Variants in CP observed in about 807,000 individuals in gnomAD.
CP encodes caeruloplasmin.
A neutral mutation model predicts 122.4 loss-of-function variants in CP; 64 were observed. The ratio of observed to expected loss-of-function variants is 0.52; its 90% CI spans 0.43 to 0.64. The LOEUF (loss-of-function observed/expected upper bound fraction) is 0.64. CP is among the 30% of genes least tolerant of loss of function. The pLI, the probability that CP is intolerant of heterozygous loss-of-function variation, is 0.00. For missense variants in CP, 1,167 were observed against 1,284.4 expected (o/e 0.91, Z 1.40); for synonymous variants, 440 against 436.4 (o/e 1.01, Z -0.10).
At chr3:149,205,478 G>T (rs943993862) in intron 6 of CP, among the ~76,000 whole-genome samples, 1 of 151,630 alleles carries the variant, frequency 6.6e-6, no homozygotes, top group East Asian at 1.9e-4. Flanking sequence ...ATAGCCAAAA[G>T]GTGGAAATGA....
chr3:149,178,119 G>T (rs909163942), intron 16 of CP, 140 bp from the exon 17 acceptor site: 16 of 830,012 alleles, frequency 1.9e-5, no homozygotes, highest in Non-Finnish European at 5.9e-6. Flanking sequence ...TGAGAGAAAT[G>T]GATACTTTAA....
At chr3:149,217,080 T>C (rs1258255112) in intron 1 of CP, among the ~76,000 whole-genome samples, 1 of 152,022 alleles carries the variant, frequency 6.6e-6, no homozygotes, top group Non-Finnish European at 1.5e-5. Context: ...TTTGTATTTT[T>C]AGTAGAGACG....
intron 1 of CP, chr3:149,217,941 C>T: frequency 2.3e-6 from 1 of 426,000 alleles, no homozygotes; most frequent in Non-Finnish European, 4.7e-6. Flanking sequence ...GTCATTAGGC[C>T]TGCTTATAGT....
intron 1 of CP, among the ~76,000 whole-genome samples, chr3:149,215,587 G>A (rs1309549915): frequency 1.3e-5 from 2 of 152,138 alleles, no homozygotes; most frequent in Non-Finnish European, 2.9e-5. Flanking sequence ...GACACTTTGG[G>A]AGAAGTCTAT....
At chr3:149,208,508 A>G (rs755495355) in intron 4 of CP, among the ~76,000 whole-genome samples, 3 of 152,198 alleles carry the variant, frequency 2.0e-5, no homozygotes, top group Non-Finnish European at 4.4e-5. Flanking sequence ...CTTTGGTAGT[A>G]TCGTTATTTT....
rs201036476 is a variant in CP at position 149,206,206 on chromosome 3, T to C, written c.1170A>G (p.Ile390Met). 1 of 1,613,908 alleles carries C rather than the reference T, an allele frequency of 6.2e-7. No individual in the cohort carries two copies. The highest frequency in any genetic ancestry group is 1.7e-5 in the Admixed American group (1 of 60,000). ...EIIWNYAPSG[I>M]DIFTKENLTA... ...TTAAGTTTTCTTTAGTGAAGATGTCTATACCAGAGGGAGCATAGTTCCAGA... is the reference window on the plus strand; with the variant it reads ...TTAAGTTTTCTTTAGTGAAGATGTCCATACCAGAGGGAGCATAGTTCCAGA... Residue 390 changes from isoleucine (I) to methionine (M), a missense_variant, in exon 6 of 19, where the codon ATA becomes ATG. Ile to Met is a conservative substitution (Grantham distance 10). Coordinates refer to ENST00000264613, the MANE Select transcript of CP (RefSeq NM_000096.4).
chr3:149,165,791 G>A (rs1559925955), intron 5 of CP, among the ~76,000 whole-genome samples: 1 of 152,148 alleles, frequency 6.6e-6, no homozygotes, highest in African/African-American at 2.4e-5. Context: ...ATCTGGATTA[G>A]TCAAGAGTTA....
chr3:149,198,748 C>A (rs1727087441), intron 8 of CP, among the ~76,000 whole-genome samples, 170 bp from the exon 9 acceptor site: 1 of 152,234 alleles, frequency 6.6e-6, no homozygotes. Flanking sequence ...GATGTGATTG[C>A]ATCCAGATAG....
chr3:149,213,631 G>GGTGTGTGT (rs71135672), intron 1 of CP, among the ~76,000 whole-genome samples: 3 of 143,750 alleles, frequency 2.1e-5, no homozygotes, highest in African/African-American at 7.8e-5. Flanking sequence ...CATCATCATG[G>GGTGTGTGT]GTGTGTGTGT....
intron 3 of CP, 40 bp from the exon 4 acceptor site, chr3:149,209,424 AG>A: frequency 6.4e-7 from 1 of 1,574,752 alleles, no homozygotes; most frequent in South Asian, 1.1e-5. Flanking sequence ...CTAAACTTTT[AG>A]CATGTATTTT....
At chr3:149,195,948 T>A (rs1035966834) in intron 9 of CP, among the ~76,000 whole-genome samples, 2 of 151,898 alleles carry the variant, frequency 1.3e-5, no homozygotes, top group Non-Finnish European at 2.9e-5. Flanking sequence ...AAAATAATAT[T>A]ACAGTTTTAA....
At chr3:149,203,517 G>C (rs986587939) in intron 6 of CP, among the ~76,000 whole-genome samples, 1 of 152,200 alleles carries the variant, frequency 6.6e-6, no homozygotes, top group Non-Finnish European at 1.5e-5. Flanking sequence ...ACCCGCTTTG[G>C]CCTCCCAAAG....
Position 149,210,241 on chromosome 3 carries a change from A to G in CP, c.533T>C (p.Ile178Thr), listed in dbSNP as rs749017471. 10 of 1,613,910 alleles carry G rather than the reference A, an allele frequency of 6.2e-6. No homozygotes were observed. The Admixed American group carries it at 1.3e-4, about 22-fold the overall frequency. ...TGGAGCATCAATGTGGGAATGGTAA[A>G]TCCTAGTCACACAATTGCCATCTCC... ...GEGDGNCVTR[I>T]YHSHIDAPKD... The change falls in exon 3 of 19, where the codon ATT becomes ACT. Residue 178 changes from isoleucine (I) to threonine (T), a missense_variant. By Grantham distance (89) the Ile-to-Thr change is moderately conservative. This residue lies in a region of CP where 642 missense variants were observed against 627.3 expected (regional missense o/e 1.02). Transcript: ENST00000264613.
intron 10 of CP, 70 bp from the exon 11 acceptor site, chr3:149,186,802 C>T (rs1272665744): frequency 7.0e-7 from 1 of 1,427,122 alleles, no homozygotes; most frequent in Non-Finnish European, 9.9e-7. Flanking sequence ...CACAGACTTT[C>T]CAGGACCAAC....
intron 1 of CP, among the ~76,000 whole-genome samples, chr3:149,217,388 C>T (rs755194610): frequency 1.4e-4 from 22 of 152,112 alleles, no homozygotes; most frequent in Admixed American, 1.2e-3. Flanking sequence ...TGGGTTCCTA[C>T]GTAAGCAAAC....
intron 7 of CP, among the ~76,000 whole-genome samples, chr3:149,201,820 T>G (rs1465874061): frequency 2.0e-5 from 3 of 151,396 alleles, no homozygotes; most frequent in African/African-American, 7.3e-5. Context: ...GGTCTCAAAC[T>G]CCTTACCCAA....
At chr3:149,193,575 G>A (rs949905497) in intron 9 of CP, among the ~76,000 whole-genome samples, 1 of 151,984 alleles carries the variant, frequency 6.6e-6, no homozygotes, top group Admixed American at 6.6e-5. Context: ...TTTTCACAGT[G>A]TTCATGAAAT....
At chr3:149,187,163 A>T (rs762211428) in intron 10 of CP, among the ~76,000 whole-genome samples, 14 of 152,208 alleles carry the variant, frequency 9.2e-5, no homozygotes, top group Non-Finnish European at 1.8e-4. Flanking sequence ...GAATAACAGG[A>T]AAGGTCATAT....
chr3:149,176,492 G>A (rs1725426922), intron 17 of CP, 80 bp from the exon 18 acceptor site: 3 of 1,149,966 alleles, frequency 2.6e-6, no homozygotes, highest in Non-Finnish European at 3.9e-6. Flanking sequence ...TTCAGCTCAG[G>A]GATATTGAAA....
Sources: allele counts gnomAD v4.1 joint callset (sites outside exome capture counted in the v4.1 genomes callset), GRCh38; gene constraint gnomAD v4.1.1; regional missense constraint gnomAD v4.1.1; transcripts MANE v1.5; gene names NCBI Gene and HGNC (gene_info 2026-07-23, HGNC 2026-07-21).